The following CNTN4 variants were observed in gnomAD, a reference collection of about 807,000 sequenced individuals.
CNTN4 encodes contactin-4.
In CNTN4, 77 loss-of-function variants were observed where a neutral mutation model predicts 122.5. The observed-to-expected ratio is 0.63, with a 90% CI of 0.52 to 0.76. CNTN4 has a LOEUF of 0.76. CNTN4 is among the 30% of genes least tolerant of loss of function. The pLI is 0.00. For missense variants in CNTN4, 1,256 were observed against 1,259.1 expected, an observed-to-expected ratio of 1.00 and a Z score of 0.04; for synonymous variants, 512 against 447.0, an observed-to-expected ratio of 1.15 and a Z score of -1.83.
intron 14 of CNTN4, among the ~76,000 whole-genome samples, chr3:3,015,922 C>T (rs1401809603): frequency 2.6e-5 from 4 of 152,136 alleles, no homozygotes; most frequent in African/African-American, 9.7e-5. Flanking sequence ...TCTTATTATG[C>T]CATTCTTACA....
intron 2 of CNTN4, among the ~76,000 whole-genome samples, chr3:2,166,324 ATAAT>A (rs1205904291): frequency 1.3e-5 from 2 of 151,994 alleles, no homozygotes; most frequent in African/African-American, 4.8e-5. Context: ...ATTTTTGATA[ATAAT>A]TATTATCAAA....
chr3:2,571,222 C>A (rs1176168630), intron 3 of CNTN4, 194 bp from the exon 4 acceptor site: 7 of 488,040 alleles, frequency 1.4e-5, no homozygotes, highest in Non-Finnish European at 7.4e-6. Flanking sequence ...CCAATCCCTG[C>A]CCAATTATTA....
intron 4 of CNTN4, among the ~76,000 whole-genome samples, chr3:2,719,434 G>A (rs1044235096): frequency 1.3e-5 from 2 of 152,094 alleles, no homozygotes; most frequent in Admixed American, 6.5e-5. Context: ...AGCTGGGACT[G>A]CAGGAATGCA....
chr3:2,171,196 C>T (rs988286679), intron 2 of CNTN4, among the ~76,000 whole-genome samples: 1 of 152,198 alleles, frequency 6.6e-6, no homozygotes, highest in South Asian at 2.1e-4. Flanking sequence ...CCTAAATGTC[C>T]ACCAGGAAAT....
chr3:2,872,597 C>T (rs903720799), intron 8 of CNTN4, among the ~76,000 whole-genome samples: 2 of 151,884 alleles, frequency 1.3e-5, no homozygotes, highest in African/African-American at 4.8e-5. Context: ...TGAATATTAA[C>T]CCGAATTGGA....
At chr3:2,890,384 G>A (rs1386587073) in intron 10 of CNTN4, among the ~76,000 whole-genome samples, 2 of 152,086 alleles carry the variant, frequency 1.3e-5, no homozygotes, top group African/African-American at 4.8e-5. Context: ...GATGATAAAA[G>A]GTGAGAAAGT....
At chr3:2,240,869 A>G (rs1337467453) in intron 2 of CNTN4, among the ~76,000 whole-genome samples, 1 of 152,096 alleles carries the variant, frequency 6.6e-6, no homozygotes, top group African/African-American at 2.4e-5. Flanking sequence ...GTGTTTTATG[A>G]GAAAAATCAC....
intron 3 of CNTN4, among the ~76,000 whole-genome samples, chr3:2,528,623 A>G (rs1449903252): frequency 6.6e-6 from 1 of 152,182 alleles, no homozygotes; most frequent in Non-Finnish European, 1.5e-5. Flanking sequence ...GGTAGATAGT[A>G]TAGTGCATTA....
chr3:2,876,392 G>C (rs1431477313), intron 8 of CNTN4, among the ~76,000 whole-genome samples: 1 of 152,192 alleles, frequency 6.6e-6, no homozygotes, highest in Admixed American at 6.5e-5. Flanking sequence ...AATGTTTTTA[G>C]GTTAGTGATA....
At chr3:2,918,436 A>G (rs1220421453) in intron 12 of CNTN4, among the ~76,000 whole-genome samples, 1 of 152,230 alleles carries the variant, frequency 6.6e-6, no homozygotes, top group Non-Finnish European at 1.5e-5. Flanking sequence ...CTGAACTTCC[A>G]GGGTGCACTT....
chr3:2,408,724 T>G (rs1327376774), intron 3 of CNTN4, among the ~76,000 whole-genome samples: 2 of 152,140 alleles, frequency 1.3e-5, no homozygotes, highest in Non-Finnish European at 2.9e-5. Flanking sequence ...AATATAGTAT[T>G]TATCAATACT....
chr3:2,513,591 A>G (rs1306230276), intron 3 of CNTN4, among the ~76,000 whole-genome samples: 1 of 151,938 alleles, frequency 6.6e-6, no homozygotes, highest in Non-Finnish European at 1.5e-5. Context: ...GTTAAATTTG[A>G]TTTTTATTTT....
At chr3:2,703,164 C>T (rs548655398) in intron 4 of CNTN4, among the ~76,000 whole-genome samples, 5 of 152,288 alleles carry the variant, frequency 3.3e-5, no homozygotes, top group African/African-American at 1.2e-4. Flanking sequence ...TTAAGATCAT[C>T]CCTTGTGCAT....
In CNTN4 at chr3:2,554,821, C is replaced by G. The variant is rs149167588; in HGVS notation, c.-88-16595C>G. On this transcript the variant is annotated intron_variant, in intron 3 of 24. Coordinates refer to ENST00000418658, the MANE Select transcript of CNTN4 (RefSeq NM_175607.3). ...GAATTTGGCCAAAGCTCATAGTTTCCTAGTCGTTGCTAAACATGACAGGGG... is the reference window on the plus strand; with the variant it reads ...GAATTTGGCCAAAGCTCATAGTTTCGTAGTCGTTGCTAAACATGACAGGGG... Among the ~76,000 whole-genome samples, 696 of 152,268 alleles carry G rather than the reference C, an allele frequency of 4.6e-3. 3 individuals carry two copies. Among genetic ancestry groups the G allele is most frequent in the African/African-American group, 0.016 (666 of 41,566 alleles).
At chr3:2,323,693 C>T (rs548305234) in intron 2 of CNTN4, among the ~76,000 whole-genome samples, 82 of 152,280 alleles carry the variant, frequency 5.4e-4, no homozygotes, top group Non-Finnish European at 1.1e-3. Context: ...TATTTCATTG[C>T]AACCCTGACT....
intron 12 of CNTN4, among the ~76,000 whole-genome samples, chr3:2,920,510 A>G (rs752661751): frequency 1.9e-4 from 29 of 151,878 alleles, no homozygotes; most frequent in Non-Finnish European, 3.1e-4. Context: ...GGGGTGAAGG[A>G]TGCACAGGAC....
chr3:2,231,153 T>C (rs926246156), intron 2 of CNTN4, among the ~76,000 whole-genome samples: 1 of 152,216 alleles, frequency 6.6e-6, no homozygotes, highest in Non-Finnish European at 1.5e-5. Context: ...ACTGTACCAA[T>C]ATTAAAACAA....
chr3:2,114,818 C>A (rs112155424), intron 2 of CNTN4, among the ~76,000 whole-genome samples: 27 of 152,136 alleles, frequency 1.8e-4, no homozygotes, highest in African/African-American at 6.0e-4. Context: ...ATCTGCTGAC[C>A]AATATATTTT....
intron 4 of CNTN4, among the ~76,000 whole-genome samples, chr3:2,687,343 C>T: frequency 6.6e-6 from 1 of 152,214 alleles, no homozygotes; most frequent in Non-Finnish European, 1.5e-5. Context: ...AGCCTGTCTT[C>T]TGTAGACATT....
Sources: allele counts gnomAD v4.1 joint callset (sites outside exome capture counted in the v4.1 genomes callset), GRCh38; gene constraint gnomAD v4.1.1; transcripts MANE v1.5; gene names NCBI Gene and HGNC (gene_info 2026-07-23, HGNC 2026-07-21).